Variants in CHRNB2 observed in about 807,000 individuals in gnomAD.
CHRNB2 encodes the protein cholinergic receptor nicotinic beta 2 subunit, also known as neuronal acetylcholine receptor subunit beta-2.
Under a neutral mutation model 42.7 loss-of-function variants are expected in CHRNB2, and 33 were observed. That is an observed-to-expected ratio of 0.77 (90% CI 0.59 to 1.03). The LOEUF is 1.03. Ranked by LOEUF, CHRNB2 falls within the 50% of genes least tolerant of loss-of-function variation. The pLI, the probability that CHRNB2 is intolerant of heterozygous loss-of-function variation, is 0.00. For missense variants in CHRNB2, 603 were observed against 700.9 expected, an observed-to-expected ratio of 0.86 and a Z score of 1.58; for synonymous variants, 325 against 292.9, an observed-to-expected ratio of 1.11 and a Z score of -1.12.
rs540234081 is a variant in CHRNB2, at chr1:154,578,558, C to G, written c.*2626C>G. On this transcript the variant is annotated 3_prime_UTR_variant, in exon 6 of 6. Coordinates refer to ENST00000368476, the MANE Select transcript of CHRNB2 (RefSeq NM_000748.3). ...GTGTCATTCCCTCCATCTCTGTACG[C>G]AGCCCTTTGGGAACCATCACAATAA... 6.6e-6 allele frequency: 1 copy of G among 152,412 alleles called. No homozygotes were observed. The highest frequency in any genetic ancestry group is 1.9e-4 in the East Asian group (1 of 5,186). 9.4% of individuals were successfully genotyped at this position (152,412 alleles called of 1,614,324 possible).
intron 1 of CHRNB2, among the ~76,000 whole-genome samples, 196 bp downstream of exon 1, chr1:154,568,304 A>G (rs1162980126): frequency 2.6e-5 from 4 of 152,202 alleles, no homozygotes; most frequent in African/African-American, 9.6e-5. Context: ...GGAACGAGAC[A>G]TACTCGAAGG....
intron 5 of CHRNB2, among the ~76,000 whole-genome samples, chr1:154,574,852 T>A (rs1696241838): frequency 6.6e-6 from 1 of 152,154 alleles, no homozygotes; most frequent in South Asian, 2.1e-4. Flanking sequence ...TAAATAAAGA[T>A]GCTCAGTGGC....
intron 5 of CHRNB2, 72 bp from the exon 6 acceptor site, chr1:154,575,690 G>C: frequency 6.7e-7 from 1 of 1,484,850 alleles, no homozygotes; most frequent in Non-Finnish European, 9.4e-7. Flanking sequence ...CTGTGTGGTG[G>C]GACCCGCTTA....
Position 154,579,866 on chromosome 1 carries a change from A to AGTT in CHRNB2, c.*3938_*3940dup, listed in dbSNP as rs1696358546. ...AGGAACTCAAGATTCTCGTAAAGAA[A>AGTT]GTTGTTTCCAAAGTTGTCTTGTCAC... On this transcript the variant is annotated 3_prime_UTR_variant, in exon 6 of 6. Transcript: ENST00000368476. 6.6e-6 allele frequency: 1 copy of AGTT among 152,340 alleles called. No homozygotes were observed. The highest frequency in any genetic ancestry group is 2.4e-5 in the African/African-American group (1 of 41,450). 9.4% of individuals were successfully genotyped at this position (152,340 alleles called of 1,614,324 possible). A position where few individuals can be genotyped will look rare whatever the true frequency, so the allele number is the denominator to read the frequency against.
chr1:154,571,431 G>A lies in CHRNB2; in HGVS notation c.608G>A (p.Trp203Ter). The change falls in exon 5 of 6, where the codon TGG (tryptophan) becomes TAG (stop). Residue 203 changes from tryptophan to a stop codon, truncating the protein, a stop_gained. Transcript: ENST00000368476. LOFTEE classifies it high-confidence loss of function. The surrounding 1 kb of genome is among the most constrained non-coding windows in gnomAD (Gnocchi z 6.8). Reference sequence around the variant, plus strand: ...GACGACTTCACACCTAGTGGTGAGTGGGACATCGTGGCGCTGCCGGGCCGG... The same window carrying A: ...GACGACTTCACACCTAGTGGTGAGTAGGACATCGTGGCGCTGCCGGGCCGG... ...SLDDFTPSGEWDIVALPGRRN... is the reference protein window; with the variant it reads ...SLDDFTPSGE 1 of 1,614,176 alleles carries A rather than the reference G, an allele frequency of 6.2e-7. No individual in the cohort carries two copies. Among genetic ancestry groups the A allele is most frequent in the African/African-American group, 1.3e-5 (1 of 75,038 alleles).
At chr1:154,569,685 T>TC (rs1696127743) in intron 2 of CHRNB2, 78 bp downstream of exon 2, 43 of 1,612,684 alleles carry the variant, frequency 2.7e-5, no homozygotes, top group Non-Finnish European at 3.6e-5. Flanking sequence ...GTGTGCTTCC[T>TC]CCCCTGGTGT....
At chr1:154,572,665 G>A (rs556169138) in intron 5 of CHRNB2, among the ~76,000 whole-genome samples, 1 of 152,200 alleles carries the variant, frequency 6.6e-6, no homozygotes, top group African/African-American at 2.4e-5. Flanking sequence ...GAGGGGTGGC[G>A]TTGGTGGCGG....
chr1:154,575,454 A>G (rs1202720050), intron 5 of CHRNB2, among the ~76,000 whole-genome samples: 5 of 152,204 alleles, frequency 3.3e-5, no homozygotes, highest in Non-Finnish European at 7.3e-5. Context: ...GGAAACCCAA[A>G]GACACAGAGA....
At position 154,570,160 on chromosome 1, in the gene CHRNB2, G is replaced by A. The variant is rs1183452007; in HGVS notation, c.256-98G>A. ...GTGGGGAAGAGGCTGGCTTTTAAAAGGTCCCTCAAGCCATATGGGCCCCCT... is the reference window on the plus strand; with the variant it reads ...GTGGGGAAGAGGCTGGCTTTTAAAAAGTCCCTCAAGCCATATGGGCCCCCT... On this transcript the variant is annotated intron_variant, in intron 3 of 5. Transcript: ENST00000368476. 9.8e-6 allele frequency: 8 copies of A among 817,224 alleles called. No homozygotes were observed. The East Asian group carries it at 1.9e-4, about 19-fold the overall frequency. 50.6% of individuals were successfully genotyped at this position (817,224 alleles called of 1,614,324 possible).
intron 5 of CHRNB2, among the ~76,000 whole-genome samples, chr1:154,573,760 T>G (rs919831594): frequency 6.6e-5 from 10 of 152,192 alleles, no homozygotes; most frequent in Admixed American, 6.5e-4. Context: ...TATTTATTTA[T>G]TTTTTTGATA....
Position 154,576,698 on chromosome 1 carries a change from G to C in CHRNB2, c.*766G>C, listed in dbSNP as rs1222672237. On this transcript the variant is annotated 3_prime_UTR_variant, in exon 6 of 6. Coordinates refer to ENST00000368476, the MANE Select transcript of CHRNB2 (RefSeq NM_000748.3). ...AGTATTAGGGGAGCTTCTGAGTTCT[G>C]AATCTTTGGGTGACCTGCTTGGAGT... 2 of 152,520 alleles carry C rather than the reference G, an allele frequency of 1.3e-5. No homozygotes were observed. Among genetic ancestry groups the C allele is most frequent in the East Asian group, 1.9e-4 (1 of 5,198 alleles). 9.4% of individuals were successfully genotyped at this position (152,520 alleles called of 1,614,324 possible).
chr1:154,570,303 A>G lies in CHRNB2; in HGVS notation c.301A>G (p.Asn101Asp), dbSNP rs929185848. 1 of 1,612,980 alleles carries G rather than the reference A, an allele frequency of 6.2e-7. No homozygotes were observed. The highest frequency in any genetic ancestry group is 1.3e-5 in the African/African-American group (1 of 74,998). The change falls in exon 4 of 6, where the codon AAC (asparagine) becomes GAC (aspartate). Residue 101 changes from asparagine (N) to aspartate (D), a missense_variant. Physicochemically the swap from Asn to Asp is conservative, Grantham distance 23 (BLOSUM62 1). Around this residue, in one of 2 missense-constraint regions of CHRNB2, gnomAD observed 333 missense variants for 452.6 expected, o/e 0.74. Transcript: ENST00000368476. Reference sequence around the variant, plus strand: ...CACCTGGAAGCCTGAAGAGTTTGACAACATGAAGAAAGTTCGGCTCCCTTC... The same window carrying G: ...CACCTGGAAGCCTGAAGAGTTTGACGACATGAAGAAAGTTCGGCTCCCTTC... ...RLTWKPEEFD[N>D]MKKVRLPSKH...
chr1:154,573,653 T>G (rs763505134), intron 5 of CHRNB2, among the ~76,000 whole-genome samples: 2 of 152,228 alleles, frequency 1.3e-5, no homozygotes, highest in Non-Finnish European at 2.9e-5. Flanking sequence ...ATAGTCTCCC[T>G]GATTCAGCTC....
chr1:154,573,818 G>A (rs1428380685), intron 5 of CHRNB2, among the ~76,000 whole-genome samples: 3 of 152,008 alleles, frequency 2.0e-5, no homozygotes, highest in Admixed American at 6.6e-5. Flanking sequence ...GTGCGACCTC[G>A]GCTCACTGCA....
At chr1:154,569,913 C>G in intron 3 of CHRNB2, 77 bp downstream of exon 3, 1 of 1,546,658 alleles carries the variant, frequency 6.5e-7, no homozygotes, top group Non-Finnish European at 8.9e-7. Context: ...TTTTTTCTTT[C>G]TTAATCTCTC....
At position 154,571,600 on chromosome 1, in the gene CHRNB2, A is replaced by G. The variant is rs770431355; in HGVS notation, c.777A>G (p.Pro259=). ...TSLAILVFYL[P]SDCGEKMTLC... ...TAGCCATCCTTGTCTTCTACCTGCC[A>G]TCCGACTGTGGCGAGAAGATGACGT... Residue 259 remains proline, a synonymous_variant, in exon 5 of 6, where the codon CCA becomes CCG. Transcript: ENST00000368476. The surrounding 1 kb of genome is among the most constrained non-coding windows in gnomAD (Gnocchi z 6.8). The G allele has an allele frequency of 1.2e-6, 2 of 1,614,198 alleles. No homozygotes were observed. Among genetic ancestry groups the G allele is most frequent in the Admixed American group, 1.7e-5 (1 of 60,034 alleles).
At chr1:154,569,880 TCTC>T (rs753896342) in intron 3 of CHRNB2, 44 bp downstream of exon 3, 3 of 1,609,124 alleles carry the variant, frequency 1.9e-6, no homozygotes, top group African/African-American at 1.3e-5. Flanking sequence ...TGGCCTTCTC[TCTC>T]CTCCTTTTTC....
intron 5 of CHRNB2, among the ~76,000 whole-genome samples, chr1:154,574,715 A>C (rs1248832577): frequency 6.6e-6 from 1 of 151,828 alleles, no homozygotes; most frequent in Non-Finnish European, 1.5e-5. Context: ...TTTTTGCTCC[A>C]CCTCCCTCAG....
In CHRNB2 at chr1:154,575,766, G is replaced by C. The variant is rs774575734; in HGVS notation, c.1343G>C (p.Ser448Thr). ...MRSEDDDQSV[S>T]EDWKYVAMVI... ...TCCTCCGTCTCCTCCATCCAGGTGAGTGAGGACTGGAAGTACGTCGCCATG... is the reference window on the plus strand; with the variant it reads ...TCCTCCGTCTCCTCCATCCAGGTGACTGAGGACTGGAAGTACGTCGCCATG... The change falls in exon 6 of 6, where the codon AGT becomes ACT. Residue 448 changes from serine to threonine, a missense_variant. Physicochemically the swap from Ser to Thr is moderately conservative, Grantham distance 58 (BLOSUM62 1). Around this residue, in one of 2 missense-constraint regions of CHRNB2, gnomAD observed 270 missense variants for 248.3 expected, o/e 1.09. Coordinates refer to ENST00000368476, the MANE Select transcript of CHRNB2 (RefSeq NM_000748.3). The C allele has an allele frequency of 6.2e-6, 10 of 1,614,150 alleles. No individual in the cohort carries two copies. The highest frequency in any genetic ancestry group is 7.6e-6 in the Non-Finnish European group (9 of 1,180,020).
Sources: gnomAD v4.1 joint callset for allele counts (sites outside exome capture counted in the v4.1 genomes callset) on GRCh38, gnomAD v4.1.1 for gene constraint, gnomAD v4.1.1 regional missense constraint, Gnocchi (gnomAD v3.1) non-coding constraint, MANE v1.5 for transcripts, NCBI Gene and HGNC (gene_info 2026-07-23, HGNC 2026-07-21) for gene names.